The following FMO1 variants were observed in gnomAD, a reference collection of about 807,000 sequenced individuals.
FMO1 encodes the protein flavin containing dimethylaniline monoxygenase 1.
A neutral mutation model predicts 45.4 loss-of-function variants in FMO1; 36 were observed. The ratio of observed to expected loss-of-function variants is 0.79; its 90% CI spans 0.61 to 1.05. The LOEUF is 1.05. FMO1 is among the 50% of genes least tolerant of loss of function. The pLI is 0.00. For synonymous variants in FMO1, 228 were observed against 227.2 expected, an observed-to-expected ratio of 1.00 and a Z score of -0.03; for missense variants, 615 against 640.3, an observed-to-expected ratio of 0.96 and a Z score of 0.43.
Position 171,263,921 on chromosome 1 carries a change from G to A in FMO1, c.133-3622G>A, listed in dbSNP as rs574914316. Among the ~76,000 whole-genome samples the A allele has an allele frequency of 5.9e-5, 9 of 152,208 alleles. No individual in the cohort carries two copies. In the East Asian group the frequency reaches 1.7e-3, roughly 29 times the overall value. On this transcript the variant is annotated intron_variant, in intron 2 of 8. Transcript: ENST00000617670. The stretch of plus-strand genomic sequence containing the variant: ...ACCAATACCATTCAGAAGGGGCAGG[G>A]ACTCATACTCCCTGTATATATGCTA...
At chr1:171,275,588 T>C in intron 4 of FMO1, 80 bp downstream of exon 4, 1 of 1,021,224 alleles carries the variant, frequency 9.8e-7, no homozygotes, top group Non-Finnish European at 1.4e-6. Flanking sequence ...AATGAATTCC[T>C]ATGGCTGTTC....
intron 3 of FMO1, among the ~76,000 whole-genome samples, chr1:171,269,149 GC>G (rs1406994109): frequency 6.6e-6 from 1 of 152,182 alleles, no homozygotes; most frequent in African/African-American, 2.4e-5. Context: ...GTCTTTATCA[GC>G]AGCATGAAAA....
At chr1:171,271,460 C>T in intron 3 of FMO1, 1 of 984,766 alleles carries the variant, frequency 1.0e-6, no homozygotes, top group Non-Finnish European at 1.6e-6. Context: ...CTGAGCCTTT[C>T]TTAGAAAACT....
At position 171,262,711 on chromosome 1, in the gene FMO1, C is replaced by G. The variant is rs568712558; in HGVS notation, c.132+4492C>G. 3.3e-4 allele frequency among the ~76,000 whole-genome samples: 50 copies of G among 152,272 alleles called. No individual in the cohort carries two copies. The South Asian group carries it at 0.01, about 31-fold the overall frequency. On this transcript the variant is annotated intron_variant, in intron 2 of 8. Transcript: ENST00000617670. Reference sequence around the variant, plus strand: ...AAGCCTTATTTCTAAAACGTCTATTCGTATATTCAATAAACATTTTTAATT... The same window carrying G: ...AAGCCTTATTTCTAAAACGTCTATTGGTATATTCAATAAACATTTTTAATT...
chr1:171,256,101 G>A (rs925440529), intron 1 of FMO1, among the ~76,000 whole-genome samples: 6 of 151,806 alleles, frequency 4.0e-5, no homozygotes, highest in East Asian at 1.9e-4. Flanking sequence ...GTGAAACCCC[G>A]TCTCTACTAA....
intron 2 of FMO1, among the ~76,000 whole-genome samples, chr1:171,263,714 G>A (rs1261826135): frequency 6.6e-6 from 1 of 152,044 alleles, no homozygotes; most frequent in African/African-American, 2.4e-5. Flanking sequence ...ATTTTTAGAG[G>A]GCACGTGCTT....
In FMO1 at chr1:171,278,895, G is replaced by A. The variant is rs757896074; in HGVS notation, c.627+24G>A. 4 of 1,568,998 alleles carry A rather than the reference G, an allele frequency of 2.5e-6. No homozygotes were observed. The Admixed American group carries it at 5.3e-5, about 21-fold the overall frequency. On this transcript the variant is annotated intron_variant, in intron 5 of 8. Transcript: ENST00000617670. ...AGGTACATTCCTGATGTTACTGGGT[G>A]AAGAGCTTTATCTTAAGATGCATGC...
rs1661226387 is a variant in FMO1 at position 171,278,813 on chromosome 1, T to C, written c.569T>C (p.Ile190Thr). ...DIFKDKRVLV[I>T]GMGNSGTDIA... Reference sequence around the variant, plus strand: ...TTTAAGGACAAGAGAGTCCTTGTGATTGGAATGGGAAATTCTGGCACAGAC... The same window carrying C: ...TTTAAGGACAAGAGAGTCCTTGTGACTGGAATGGGAAATTCTGGCACAGAC... Residue 190 changes from isoleucine to threonine, a missense_variant, in exon 5 of 9, where the codon ATT (isoleucine) becomes ACT (threonine). Coordinates refer to ENST00000617670, the MANE Select transcript of FMO1 (RefSeq NM_001282693.2). 2 of 1,613,074 alleles carry C rather than the reference T, an allele frequency of 1.2e-6. No individual in the cohort carries two copies. Among genetic ancestry groups the C allele is most frequent in the East Asian group, 2.2e-5 (1 of 44,874 alleles).
Position 171,278,766 on chromosome 1 carries a change from G to A in FMO1, c.522G>A (p.Arg174=). 1.9e-6 allele frequency: 3 copies of A among 1,609,766 alleles called. No individual in the cohort carries two copies. The highest frequency in any genetic ancestry group is 1.7e-6 in the Non-Finnish European group (2 of 1,176,774). ...TTAAAGGCCAGTACTTTCATAGCCG[G>A]CAATATAAGCATCCAGATATATTTA... ...NAFKGQYFHS[R]QYKHPDIFKD... Residue 174 remains arginine (R), a synonymous_variant, in exon 5 of 9, where the codon CGG becomes CGA. Transcript: ENST00000617670.
In FMO1 at chr1:171,282,007, A is replaced by G; in HGVS notation, c.857A>G (p.Asp286Gly). 1.2e-6 allele frequency: 2 copies of G among 1,610,760 alleles called. No homozygotes were observed. The highest frequency in any genetic ancestry group is 1.7e-6 in the Non-Finnish European group (2 of 1,178,668). The part of the protein sequence containing the change: ...RTQLKEFVLN[D>G]ELPGRIITGK... ...CAGCTGAAAGAGTTTGTGCTAAATG[A>G]TGAGCTCCCAGGACGCATCATCACT... Residue 286 changes from aspartate to glycine, a missense_variant, in exon 7 of 9, where the codon GAT becomes GGT. Physicochemically the swap from Asp to Gly is moderately conservative, Grantham distance 94. Transcript: ENST00000617670.
chr1:171,253,551 C>T lies in FMO1; in HGVS notation c.-6-4531C>T, dbSNP rs762569935. Among the ~76,000 whole-genome samples, 22 of 152,092 alleles carry T rather than the reference C, an allele frequency of 1.4e-4. 1 individual carries two copies. Among genetic ancestry groups the T allele is most frequent in the South Asian group, 4.2e-4 (2 of 4,808 alleles). On this transcript the variant is annotated intron_variant, in intron 1 of 8. Transcript: ENST00000617670. ...CCGAGGCGGGTGGATCACCTGAGGT[C>T]GGGAGTTCGAGACCAGCCTAACCGA...
At chr1:171,260,689 G>A (rs1462273535) in intron 2 of FMO1, among the ~76,000 whole-genome samples, 1 of 151,922 alleles carries the variant, frequency 6.6e-6, no homozygotes, top group Admixed American at 6.6e-5. Flanking sequence ...CCAGCACTTT[G>A]GAAGGCCGAG....
chr1:171,283,100 C>A (rs1661432636), intron 7 of FMO1, 44 bp from the exon 8 acceptor site: 3 of 1,023,662 alleles, frequency 2.9e-6, no homozygotes, highest in Non-Finnish European at 4.6e-6. Context: ...AACAGCTAGA[C>A]CTAAACTTAA....
At chr1:171,257,858 C>T (rs976891488) in intron 1 of FMO1, 28 of 508,258 alleles carry the variant, frequency 5.5e-5, no homozygotes, top group African/African-American at 5.2e-4. Context: ...ACTGTACGAA[C>T]ATTTGGCACT....
At chr1:171,277,939 A>G (rs1277072831) in intron 4 of FMO1, among the ~76,000 whole-genome samples, 1 of 152,196 alleles carries the variant, frequency 6.6e-6, no homozygotes, top group East Asian at 1.9e-4. Flanking sequence ...TTTGTTTAGC[A>G]CATATTACTT....
intron 5 of FMO1, 45 bp from the exon 6 acceptor site, chr1:171,280,741 C>G (rs745663159): frequency 6.5e-7 from 1 of 1,533,590 alleles, no homozygotes; most frequent in Non-Finnish European, 9.0e-7. Flanking sequence ...ACCAGCCAGC[C>G]GTGTTCACAG....
chr1:171,275,599 CA>C, intron 4 of FMO1, 91 bp downstream of exon 4: 1 of 905,476 alleles, frequency 1.1e-6, no homozygotes, highest in South Asian at 2.1e-5. Context: ...ATGGCTGTTC[CA>C]TTAAATAGTT....
intron 2 of FMO1, among the ~76,000 whole-genome samples, chr1:171,259,896 G>A (rs1660308568): frequency 6.6e-6 from 1 of 152,178 alleles, no homozygotes; most frequent in South Asian, 2.1e-4. Context: ...CTGCCCTCAG[G>A]AGCTGTCAGG....
intron 1 of FMO1, among the ~76,000 whole-genome samples, chr1:171,255,620 C>A (rs1660113044): frequency 6.6e-6 from 1 of 152,138 alleles, no homozygotes; most frequent in South Asian, 2.1e-4. Flanking sequence ...TCTGGGACAC[C>A]CTTCTGGACA....
Sources: allele counts gnomAD v4.1 joint callset (sites outside exome capture counted in the v4.1 genomes callset), GRCh38; gene constraint gnomAD v4.1.1; transcripts MANE v1.5; gene names NCBI Gene and HGNC (gene_info 2026-07-23, HGNC 2026-07-21).